TMEM177: variants seen among roughly 807,000 people sequenced by gnomAD.
TMEM177 encodes the protein transmembrane protein 177.
TMEM177 carries 4 observed loss-of-function variants against 14.2 expected under a neutral mutation model. That is an observed-to-expected ratio of 0.28 (90% CI 0.14 to 0.64). The LOEUF is 0.64. TMEM177 is among the 30% of genes least tolerant of loss of function. The probability of loss-of-function intolerance (pLI) is 0.82; values close to 1 mark genes in which losing one functional copy is unlikely to be tolerated. For missense variants in TMEM177, 344 were observed against 405.2 expected (o/e 0.85, Z 1.30); for synonymous variants, 179 against 174.5 (o/e 1.03, Z -0.20).
chr2:119,706,072 T>TG, the TMEM177 span, among the ~76,000 whole-genome samples: 5 of 149,018 alleles, frequency 3.4e-5, no homozygotes, highest in Non-Finnish European at 7.4e-5. Context: ...TCACCCAGGC[T>TG]GGAGTGCAGT....
At chr2:119,693,029 A>G in the TMEM177 span, among the ~76,000 whole-genome samples, 16 of 151,020 alleles carry the variant, frequency 1.1e-4, no homozygotes, top group African/African-American at 3.7e-4. Context: ...CCCTGTGGAA[A>G]GCAGTGGCTC....
the TMEM177 span, among the ~76,000 whole-genome samples, chr2:119,703,281 T>C: frequency 6.6e-6 from 1 of 152,222 alleles, no homozygotes; most frequent in African/African-American, 2.4e-5. Flanking sequence ...TGGCACATCA[T>C]GGTTTCCAGG....
chr2:119,719,630 A>G, the TMEM177 span, among the ~76,000 whole-genome samples: 1 of 152,192 alleles, frequency 6.6e-6, no homozygotes, highest in South Asian at 2.1e-4. Context: ...TTCCCAGAAT[A>G]GTGGCAGTCA....
downstream of TMEM177, among the ~76,000 whole-genome samples, chr2:119,688,629 G>A (rs1372385612): frequency 1.3e-5 from 2 of 152,040 alleles, no homozygotes; most frequent in Non-Finnish European, 2.9e-5. Flanking sequence ...TGTCATATAC[G>A]TGGTTCCTCG....
At chr2:119,700,114 C>T in the TMEM177 span, 5 of 247,540 alleles carry the variant, frequency 2.0e-5, no homozygotes, top group Non-Finnish European at 3.3e-5. Flanking sequence ...AAAAAGTTAG[C>T]GCAGAAGAAA....
rs760723850 is a variant in TMEM177 at position 119,681,360 on chromosome 2, C to A, written c.507C>A (p.His169Gln). The A allele has an allele frequency of 6.2e-7, 1 of 1,614,042 alleles. No individual in the cohort carries two copies. The stretch of plus-strand genomic sequence containing the variant: ...TGGAAAGCAGTACCACTGCCGTGCA[C>A]GCCCTGCTGGCCCCAGCTTGCCTGG... ...VYLESSTTAV[H>Q]ALLAPACLAG... The change falls in exon 2 of 2, where the codon CAC (histidine) becomes CAA (glutamine). Residue 169 changes from histidine to glutamine, a missense_variant. Transcript: ENST00000272521.
intron 1 of TMEM177, among the ~76,000 whole-genome samples, chr2:119,680,535 A>G (rs1366836187): frequency 2.0e-5 from 3 of 152,192 alleles, no homozygotes; most frequent in Non-Finnish European, 2.9e-5. Context: ...TACAGCCATT[A>G]TTATAAGGAA....
intron 1 of TMEM177, chr2:119,679,609 A>C (rs1341144155): frequency 6.6e-6 from 1 of 152,234 alleles, no homozygotes; most frequent in African/African-American, 2.4e-5. Flanking sequence ...TTTCACGGAC[A>C]GGAATACAGT....
the TMEM177 span, among the ~76,000 whole-genome samples, chr2:119,718,770 A>C: frequency 6.6e-6 from 1 of 152,104 alleles, no homozygotes; most frequent in Non-Finnish European, 1.5e-5. Context: ...GGGATTGGTG[A>C]GTAGCTACTT....
chr2:119,722,571 T>C, the TMEM177 span, among the ~76,000 whole-genome samples: 1 of 152,176 alleles, frequency 6.6e-6, no homozygotes, highest in Non-Finnish European at 1.5e-5. Flanking sequence ...GAGGTAACAG[T>C]GTCTACTTGA....
chr2:119,681,107 C>T lies in TMEM177; in HGVS notation c.254C>T (p.Thr85Ile), dbSNP rs1388488508. 6.2e-6 allele frequency: 10 copies of T among 1,614,162 alleles called. No individual in the cohort carries two copies. In the African/African-American group the frequency reaches 1.3e-4, roughly 22 times the overall value. Residue 85 changes from threonine to isoleucine, a missense_variant, in exon 2 of 2, where the codon ACC becomes ATC. Physicochemically the swap from Thr to Ile is moderately conservative, Grantham distance 89. Transcript: ENST00000272521. ...GGCCATTGCTACAAGCCCTTCACCA[C>T]CTTCACCTTCCAACCTGTGAGTGCA... ...PSGHCYKPFTTFTFQPVSAGF... is the reference protein window; with the variant it reads ...PSGHCYKPFTIFTFQPVSAGF...
the TMEM177 span, chr2:119,700,013 C>T: frequency 3.1e-6 from 1 of 318,908 alleles, no homozygotes; most frequent in Non-Finnish European, 6.2e-6. Flanking sequence ...GGTTGATTAA[C>T]CCACACATGA....
the TMEM177 span, among the ~76,000 whole-genome samples, chr2:119,693,266 T>C: frequency 6.6e-6 from 1 of 152,134 alleles, no homozygotes; most frequent in African/African-American, 2.4e-5. Context: ...TGCCCCACCC[T>C]GTAGTAGGGT....
the TMEM177 span, chr2:119,699,864 T>G: frequency 2.4e-6 from 1 of 419,834 alleles, no homozygotes; most frequent in Admixed American, 2.5e-5. Flanking sequence ...CCAAAAAGAG[T>G]GCTGAGTTTT....
Position 119,681,725 on chromosome 2 carries a change from A to G in TMEM177, c.872A>G (p.Tyr291Cys). 1 of 1,613,968 alleles carries G rather than the reference A, an allele frequency of 6.2e-7. No homozygotes were observed. Among genetic ancestry groups the G allele is most frequent in the East Asian group, 2.2e-5 (1 of 44,862 alleles). Residue 291 changes from tyrosine (Y) to cysteine (C), a missense_variant, in exon 2 of 2, where the codon TAC (tyrosine) becomes TGC (cysteine). Transcript: ENST00000272521. ...RHLFRIKHLP[Y>C]TTRRDSVLQM... ...TTGTTCCGAATCAAACATTTACCCT[A>G]CACCACCCGCCGGGACTCTGTGCTG...
At chr2:119,722,911 C>T in the TMEM177 span, among the ~76,000 whole-genome samples, 2 of 152,176 alleles carry the variant, frequency 1.3e-5, no homozygotes, top group Admixed American at 6.5e-5. Context: ...AACTGTGTGG[C>T]CCATTCTTCC....
At chr2:119,723,014 A>G in the TMEM177 span, among the ~76,000 whole-genome samples, 1 of 152,202 alleles carries the variant, frequency 6.6e-6, no homozygotes, top group African/African-American at 2.4e-5. Context: ...GCTCCTCTGT[A>G]TCTAATCGTG....
At position 119,679,275 on chromosome 2, in the gene TMEM177, C is replaced by G. The variant is rs1368598434; in HGVS notation, c.-24C>G. Reference sequence around the variant, plus strand: ...GACCCTTCTCCGGCCTGATGCGACCCGGTAACGCGTTCAGACTGCGGAGTA... The same window carrying G: ...GACCCTTCTCCGGCCTGATGCGACCGGGTAACGCGTTCAGACTGCGGAGTA... On this transcript the variant is annotated splice_region_variant and 5_prime_UTR_variant, in exon 1 of 2. Coordinates refer to ENST00000272521, the MANE Select transcript of TMEM177 (RefSeq NM_030577.3). 1.3e-5 allele frequency: 2 copies of G among 152,226 alleles called. No individual in the cohort carries two copies. The highest frequency in any genetic ancestry group is 2.9e-5 in the Non-Finnish European group (2 of 68,072). The allele number at this position is 152,226 out of a possible 1,614,324, so 9.4% of individuals were successfully genotyped here.
At chr2:119,717,406 T>G in the TMEM177 span, among the ~76,000 whole-genome samples, 2 of 150,988 alleles carry the variant, frequency 1.3e-5, no homozygotes, top group South Asian at 4.2e-4. Context: ...CTCTTGTGAG[T>G]GTGGGGCCCC....
Sources: allele counts gnomAD v4.1 joint callset (sites outside exome capture counted in the v4.1 genomes callset), GRCh38; gene constraint gnomAD v4.1.1; transcripts MANE v1.5; gene names NCBI Gene and HGNC (gene_info 2026-07-23, HGNC 2026-07-21).